USP37: variants seen among roughly 807,000 people sequenced by gnomAD.
The protein encoded by USP37 is ubiquitin carboxyl-terminal hydrolase 37.
USP37 carries 27 observed loss-of-function variants against 124.0 expected under a neutral mutation model. The ratio of observed to expected loss-of-function variants is 0.22; its 90% CI spans 0.16 to 0.30. The LOEUF (loss-of-function observed/expected upper bound fraction) is 0.30, where lower values mean the gene tolerates loss of function less well. Among genes scored for constraint, USP37 ranks in the 10% least tolerant of loss-of-function variants. The pLI, the probability that USP37 is intolerant of heterozygous loss-of-function variation, is 1.00. For synonymous variants in USP37, 365 were observed against 388.0 expected (o/e 0.94, Z 0.70); for missense variants, 889 against 1,140.4 (o/e 0.78, Z 3.17).
At chr2:218,529,353 G>A (rs539152901) in intron 10 of USP37, among the ~76,000 whole-genome samples, 6 of 152,012 alleles carry the variant, frequency 3.9e-5, no homozygotes, top group Non-Finnish European at 7.4e-5. Context: ...AAAAATTAGC[G>A]TGGTGTGCTG....
At chr2:218,488,240 A>C (rs1204776043) in intron 15 of USP37, 64 bp downstream of exon 15, 22 of 1,100,734 alleles carry the variant, frequency 2.0e-5, no homozygotes, top group Middle Eastern at 2.1e-4. Flanking sequence ...AACTTCAAAT[A>C]TTCAAATACA....
chr2:218,496,895 C>T (rs1232208850), intron 13 of USP37, among the ~76,000 whole-genome samples: 1 of 152,064 alleles, frequency 6.6e-6, no homozygotes, highest in Non-Finnish European at 1.5e-5. Context: ...AGATGATCCA[C>T]CCGCCTCGGC....
intron 20 of USP37, 140 bp from the exon 21 acceptor site, chr2:218,466,316 T>TA (rs1357684389): frequency 2.1e-6 from 2 of 945,354 alleles, no homozygotes; most frequent in Non-Finnish European, 3.1e-6. Context: ...TTCACCTTAC[T>TA]AGATCTACGT....
intron 20 of USP37, among the ~76,000 whole-genome samples, chr2:218,469,215 A>C (rs1018259609): frequency 1.3e-5 from 2 of 152,214 alleles, no homozygotes; most frequent in African/African-American, 4.8e-5. Context: ...CACAAAAAAC[A>C]ATTATCCTAG....
chr2:218,548,244 C>A (rs1164588955), intron 6 of USP37, among the ~76,000 whole-genome samples: 1 of 151,928 alleles, frequency 6.6e-6, no homozygotes, highest in Non-Finnish European at 1.5e-5. Flanking sequence ...CAATATTTTA[C>A]TTTTTGTTAT....
At chr2:218,475,706 GGT>G (rs1357775978) in intron 19 of USP37, among the ~76,000 whole-genome samples, 1 of 152,056 alleles carries the variant, frequency 6.6e-6, no homozygotes, top group African/African-American at 2.4e-5. Context: ...CTCCAGCCTG[GGT>G]GACAGGGCAA....
At position 218,494,249 on chromosome 2, in the gene USP37, T is replaced by A. The variant is rs188700667; in HGVS notation, c.1472+1511A>T. Among the ~76,000 whole-genome samples, 126 of 152,342 alleles carry A rather than the reference T, an allele frequency of 8.3e-4. 1 individual carries two copies. The Middle Eastern group carries it at 0.01, about 12-fold the overall frequency. On this transcript the variant is annotated intron_variant, in intron 14 of 25. Transcript: ENST00000258399. The stretch of plus-strand genomic sequence containing the variant: ...AAAGATGTCAGTGAACACTATCATT[T>A]TGAGCAGCCTGAGAAAAATAGATAT...
At chr2:218,511,291 G>A (rs1382926485) in intron 10 of USP37, among the ~76,000 whole-genome samples, 2 of 151,982 alleles carry the variant, frequency 1.3e-5, no homozygotes, top group Non-Finnish European at 2.9e-5. Context: ...GATTATAGGT[G>A]TGTAACACCA....
chr2:218,465,599 C>G (rs2106410746), intron 21 of USP37, among the ~76,000 whole-genome samples: 1 of 152,262 alleles, frequency 6.6e-6, no homozygotes, highest in Middle Eastern at 3.4e-3. Context: ...TGTTTCAAAC[C>G]CAGGCTGGAG....
At chr2:218,478,101 T>C (rs1431305944) in intron 18 of USP37, among the ~76,000 whole-genome samples, 1 of 151,964 alleles carries the variant, frequency 6.6e-6, no homozygotes, top group Non-Finnish European at 1.5e-5. Flanking sequence ...AAAATAAACA[T>C]ATAGACTAAT....
At chr2:218,539,796 T>C (rs888690823) in intron 8 of USP37, among the ~76,000 whole-genome samples, 1 of 151,702 alleles carries the variant, frequency 6.6e-6, no homozygotes, top group Non-Finnish European at 1.5e-5. Context: ...CGGATCACGA[T>C]GTCAGGAGTT....
chr2:218,495,901 A>G lies in USP37; in HGVS notation c.1331T>C (p.Met444Thr), dbSNP rs758452727. ...SQCLDQLKED[M>T]EKLNKTWKTE... The stretch of plus-strand genomic sequence containing the variant: ...CTTCCAAGTTTTATTTAATTTTTCC[A>G]TATCTTCTTTCAGCTGGTCCAAACA... Residue 444 changes from methionine (M) to threonine (T), a missense_variant, in exon 14 of 26, where the codon ATG becomes ACG. Around this residue, in one of 3 missense-constraint regions of USP37, gnomAD observed 504 missense variants for 714.3 expected, o/e 0.71. Coordinates refer to ENST00000258399, the MANE Select transcript of USP37 (RefSeq NM_020935.3). The G allele has an allele frequency of 1.2e-5, 20 of 1,613,490 alleles. No individual in the cohort carries two copies. The highest frequency in any genetic ancestry group is 1.7e-5 in the Admixed American group (1 of 59,926).
At chr2:218,462,758 A>T (rs1390713668) in intron 22 of USP37, among the ~76,000 whole-genome samples, 1 of 152,134 alleles carries the variant, frequency 6.6e-6, no homozygotes, top group Non-Finnish European at 1.5e-5. Context: ...AATTATTTTG[A>T]AAAAAGCAAG....
chr2:218,564,561 T>C (rs1336003411), intron 1 of USP37, among the ~76,000 whole-genome samples: 2 of 152,218 alleles, frequency 1.3e-5, no homozygotes, highest in African/African-American at 4.8e-5. Context: ...CTTTACATTG[T>C]AACATCCTTT....
At chr2:218,560,221 C>A (rs2106061128) in intron 3 of USP37, among the ~76,000 whole-genome samples, 1 of 152,244 alleles carries the variant, frequency 6.6e-6, no homozygotes, top group South Asian at 2.1e-4. Context: ...TGGATTCTTG[C>A]TTATAATTTA....
chr2:218,513,135 T>C (rs1196246672), intron 10 of USP37, among the ~76,000 whole-genome samples: 1 of 151,996 alleles, frequency 6.6e-6, no homozygotes, highest in East Asian at 1.9e-4. Flanking sequence ...GGCTCAAGCA[T>C]TCCTCCCATC....
chr2:218,543,433 C>A (rs749724855), intron 8 of USP37, among the ~76,000 whole-genome samples: 1 of 128,478 alleles, frequency 7.8e-6, no homozygotes, highest in South Asian at 2.7e-4. Flanking sequence ...ACCCAGGAGG[C>A]GGAGATTGCA....
At chr2:218,480,089 T>C (rs571576987) in intron 17 of USP37, among the ~76,000 whole-genome samples, 26 of 150,290 alleles carry the variant, frequency 1.7e-4, no homozygotes, top group Non-Finnish European at 3.5e-4. Flanking sequence ...GAGGTTGTAG[T>C]AAGTGGTGAT....
chr2:218,487,870 C>G (rs1286657581), intron 15 of USP37, among the ~76,000 whole-genome samples: 1 of 151,678 alleles, frequency 6.6e-6, no homozygotes, highest in Non-Finnish European at 1.5e-5. Flanking sequence ...CATCTGTTTT[C>G]CCCACGAATA....
Sources: allele counts gnomAD v4.1 joint callset (sites outside exome capture counted in the v4.1 genomes callset), GRCh38; gene constraint gnomAD v4.1.1; regional missense constraint gnomAD v4.1.1; transcripts MANE v1.5; gene names NCBI Gene and HGNC (gene_info 2026-07-23, HGNC 2026-07-21).